The following CRTC1 variants were observed in gnomAD, a reference collection of about 807,000 sequenced individuals.
The protein encoded by CRTC1 is CREB regulated transcription coactivator 1, also known as CREB-regulated transcription coactivator 1.
CRTC1 carries 18 observed loss-of-function variants against 66.1 expected under a neutral mutation model. That is an observed-to-expected ratio of 0.27 (90% CI 0.19 to 0.40). The LOEUF is 0.40. Ranked by LOEUF, CRTC1 falls within the 10% of genes least tolerant of loss-of-function variation. The probability of loss-of-function intolerance (pLI) is 1.00; values close to 1 mark genes in which losing one functional copy is unlikely to be tolerated. For missense variants in CRTC1, 669 were observed against 887.9 expected (o/e 0.75, Z 3.13); for synonymous variants, 416 against 398.8 (o/e 1.04, Z -0.51).
intron 1 of CRTC1, among the ~76,000 whole-genome samples, chr19:18,684,092 A>T (rs1208202384): frequency 6.6e-6 from 1 of 151,696 alleles, no homozygotes; most frequent in Non-Finnish European, 1.5e-5. Flanking sequence ...AGGGGCCTCT[A>T]TATCATTACT....
intron 1 of CRTC1, among the ~76,000 whole-genome samples, chr19:18,712,076 G>T (rs1472912657): frequency 6.6e-6 from 1 of 151,930 alleles, no homozygotes; most frequent in African/African-American, 2.4e-5. Flanking sequence ...AAGTAGCTGG[G>T]ATTACAGGCG....
At chr19:18,744,355 G>A (rs944497392) in intron 2 of CRTC1, among the ~76,000 whole-genome samples, 2 of 152,158 alleles carry the variant, frequency 1.3e-5, no homozygotes, top group Admixed American at 6.5e-5. Flanking sequence ...TGGTCGCGTC[G>A]AGAGGCCCTG....
At chr19:18,691,559 CAG>C (rs1445753965) in intron 1 of CRTC1, among the ~76,000 whole-genome samples, 2 of 146,624 alleles carry the variant, frequency 1.4e-5, no homozygotes, top group Admixed American at 6.8e-5. Flanking sequence ...AGAAAGGACA[CAG>C]AGACACAGGG....
intron 6 of CRTC1, among the ~76,000 whole-genome samples, chr19:18,758,048 CTAAAAT>C (rs1262702339): frequency 6.6e-6 from 1 of 150,632 alleles, no homozygotes; most frequent in African/African-American, 2.4e-5. Context: ...AAAATTAAAA[CTAAAAT>C]TAAACATTTT....
chr19:18,777,344 C>G lies in CRTC1; in HGVS notation c.1867C>G (p.Pro623Ala), dbSNP rs762168920. 13 of 1,607,362 alleles carry G rather than the reference C, an allele frequency of 8.1e-6. No homozygotes were observed. In the Middle Eastern group the frequency reaches 8.2e-4, roughly 102 times the overall value. Reference protein sequence around the residue: ...LNDPDMVLADPATEDTFRMDR... With the variant: ...LNDPDMVLADAATEDTFRMDR... ...CGACCCCGACATGGTTCTGGCCGAC[C>G]CAGCCACCGAGGACACCTTCCGGAT... The change falls in exon 14 of 14, where the codon CCA (proline) becomes GCA (alanine). Residue 623 changes from proline to alanine, a missense_variant. Coordinates refer to ENST00000321949, the MANE Select transcript of CRTC1 (RefSeq NM_015321.3). The surrounding 1 kb of genome is among the most constrained non-coding windows in gnomAD (Gnocchi z 5.5).
intron 1 of CRTC1, among the ~76,000 whole-genome samples, chr19:18,735,072 C>A (rs940557724): frequency 2.6e-5 from 4 of 152,220 alleles, no homozygotes; most frequent in African/African-American, 9.6e-5. Flanking sequence ...GAGCAAAATG[C>A]GTGAGATCTG....
chr19:18,704,969 C>T (rs1275059017), intron 1 of CRTC1, among the ~76,000 whole-genome samples: 1 of 150,030 alleles, frequency 6.7e-6, no homozygotes, highest in Admixed American at 6.7e-5. Context: ...CTGGCAACCA[C>T]CATCCTATTT....
rs1466018190 is a variant in CRTC1, at chr19:18,777,019, C to G, written c.1694-152C>G. ...CTGAGCAGCATCTCATGTGCTGGCC[C>G]CTCCCCCAGTCATGACAGCTGGAAT... is the stretch of plus-strand genomic sequence containing the variant. On this transcript the variant is annotated intron_variant, in intron 13 of 13. Coordinates refer to ENST00000321949, the MANE Select transcript of CRTC1 (RefSeq NM_015321.3). The surrounding 1 kb of genome is among the most constrained non-coding windows in gnomAD (Gnocchi z 5.5). 2.7e-4 allele frequency: 167 copies of G among 614,418 alleles called. No homozygotes were observed. The highest frequency in any genetic ancestry group is 5.2e-5 in the Non-Finnish European group (18 of 343,318). The allele number at this position is 614,418 out of a possible 1,614,324, so 38.1% of individuals were successfully genotyped here.
intron 1 of CRTC1, among the ~76,000 whole-genome samples, chr19:18,726,699 G>A (rs1358947067): frequency 1.3e-5 from 2 of 152,130 alleles, no homozygotes; most frequent in African/African-American, 4.8e-5. Flanking sequence ...AGACCAAGGC[G>A]GGCGGATCAT....
chr19:18,748,374 ATTTTTTTTTTTTTTT>A (rs777077338), intron 4 of CRTC1, among the ~76,000 whole-genome samples: 1 of 75,378 alleles, frequency 1.3e-5, no homozygotes, highest in Admixed American at 1.6e-4. Flanking sequence ...CTTCCAGCTG[ATTTTTTTTTTTTTTT>A]TTTTTTTTTT....
chr19:18,703,548 C>T (rs1185572329), intron 1 of CRTC1, among the ~76,000 whole-genome samples: 1 of 152,114 alleles, frequency 6.6e-6, no homozygotes, highest in African/African-American at 2.4e-5. Flanking sequence ...AAGCAACCTC[C>T]ACCTCCCAGG....
In CRTC1 at chr19:18,779,476, A is replaced by G; in HGVS notation, c.*2094A>G. 4.6e-6 allele frequency: 1 copy of G among 217,870 alleles called. No homozygotes were observed. The highest frequency in any genetic ancestry group is 6.7e-5 in the East Asian group (1 of 14,920). The allele number at this position is 217,870 out of a possible 1,614,324, so 13.5% of individuals were successfully genotyped here. On this transcript the variant is annotated 3_prime_UTR_variant, in exon 14 of 14. Transcript: ENST00000321949. ...CGGGGACTTTTTTTTTTTTTTAAGA[A>G]AAACTACATGTACATAGGAGAGTTT...
At chr19:18,721,598 G>A (rs1002409253) in intron 1 of CRTC1, among the ~76,000 whole-genome samples, 6 of 148,482 alleles carry the variant, frequency 4.0e-5, no homozygotes, top group Non-Finnish European at 5.9e-5. Flanking sequence ...GGGGTCAAGC[G>A]ATCCTCCCAC....
chr19:18,744,029 G>C (rs1029366934), intron 2 of CRTC1: 1 of 1,514,434 alleles, frequency 6.6e-7, no homozygotes, highest in Non-Finnish European at 9.1e-7. Flanking sequence ...CCACAGCCCG[G>C]GGGGAGGTCC....
At chr19:18,710,229 C>T (rs1012413086) in intron 1 of CRTC1, among the ~76,000 whole-genome samples, 1 of 152,224 alleles carries the variant, frequency 6.6e-6, no homozygotes, top group South Asian at 2.1e-4. Flanking sequence ...CTTCCTTCCT[C>T]CATCTACCCA....
chr19:18,779,676 T>A lies in CRTC1; in HGVS notation c.*2294T>A, dbSNP rs2055065890. ...ACTGCTTGTCCTCTGGTCTTCGGTG[T>A]GGACAGATAGGAGAGGAGGGATGCC... On this transcript the variant is annotated 3_prime_UTR_variant, in exon 14 of 14. Transcript: ENST00000321949. The A allele has an allele frequency of 4.4e-6, 1 of 224,898 alleles. No individual in the cohort carries two copies. The highest frequency in any genetic ancestry group is 8.9e-6 in the Non-Finnish European group (1 of 112,840). The allele number at this position is 224,898 out of a possible 1,614,324, so 13.9% of individuals were successfully genotyped here.
chr19:18,712,351 C>T (rs569831730), intron 1 of CRTC1, among the ~76,000 whole-genome samples: 3 of 152,018 alleles, frequency 2.0e-5, no homozygotes, highest in South Asian at 2.1e-4. Flanking sequence ...CTCCACCTCC[C>T]GGGTTTAAGT....
chr19:18,756,351 A>C (rs1318582380), intron 6 of CRTC1, among the ~76,000 whole-genome samples: 1 of 150,474 alleles, frequency 6.6e-6, no homozygotes, highest in East Asian at 2.0e-4. Context: ...AAAAAAAAAA[A>C]AAAACTCTAG....
At chr19:18,764,443 C>T (rs2054684228) in intron 8 of CRTC1, among the ~76,000 whole-genome samples, 2 of 152,250 alleles carry the variant, frequency 1.3e-5, no homozygotes, top group Admixed American at 1.3e-4. Context: ...CATCGAGGGG[C>T]CTGTTGCCTG....
Sources: gnomAD v4.1 joint callset for allele counts (sites outside exome capture counted in the v4.1 genomes callset) on GRCh38, gnomAD v4.1.1 for gene constraint, Gnocchi (gnomAD v3.1) non-coding constraint, MANE v1.5 for transcripts, NCBI Gene and HGNC (gene_info 2026-07-23, HGNC 2026-07-21) for gene names.